The following SAMD5 variants were observed in gnomAD, a reference collection of about 807,000 sequenced individuals.
SAMD5 encodes the protein sterile alpha motif domain-containing protein 5.
SAMD5 carries 13 observed loss-of-function variants against 11.3 expected under a neutral mutation model. That is an observed-to-expected ratio of 1.15 (90% CI 0.75 to 1.83). The LOEUF (loss-of-function observed/expected upper bound fraction) is 1.83, where lower values mean the gene tolerates loss of function less well. SAMD5 is among the 40% of genes most tolerant of loss of function. The pLI is 0.00. For missense variants in SAMD5, 255 were observed against 239.1 expected (o/e 1.07, Z -0.44); for synonymous variants, 129 against 111.3 (o/e 1.16, Z -1.00).
the SAMD5 span, among the ~76,000 whole-genome samples, chr6:147,766,280 G>A: frequency 1.3e-5 from 2 of 152,092 alleles, no homozygotes; most frequent in East Asian, 3.9e-4. Flanking sequence ...AAAATTATCA[G>A]ACATAATGAA....
chr6:147,558,464 T>G (rs1275389782), intron 1 of SAMD5, among the ~76,000 whole-genome samples: 2 of 152,208 alleles, frequency 1.3e-5, no homozygotes, highest in East Asian at 3.8e-4. Flanking sequence ...TCGGAGAACC[T>G]GAATCACAAG....
At chr6:147,752,183 T>C in the SAMD5 span, among the ~76,000 whole-genome samples, 1 of 152,204 alleles carries the variant, frequency 6.6e-6, no homozygotes, top group Non-Finnish European at 1.5e-5. Flanking sequence ...TCTGAATTTA[T>C]AATCTTGATA....
At chr6:147,622,872 A>G (rs11751034) in intron 1 of SAMD5, among the ~76,000 whole-genome samples, 46,071 of 152,034 alleles carry the variant, frequency 0.3, 8,531 homozygotes, top group South Asian at 0.4. Flanking sequence ...TGAAAGGCAC[A>G]TCTTACGTGG....
intron 1 of SAMD5, among the ~76,000 whole-genome samples, chr6:147,557,180 T>C (rs946532778): frequency 1.3e-5 from 2 of 152,216 alleles, no homozygotes; most frequent in African/African-American, 4.8e-5. Flanking sequence ...ACATTAAATA[T>C]AACTAAATAA....
chr6:147,916,830 G>A, the SAMD5 span, among the ~76,000 whole-genome samples: 1 of 150,376 alleles, frequency 6.6e-6, no homozygotes, highest in Non-Finnish European at 1.5e-5. Flanking sequence ...TCTTGCAATA[G>A]TTTACTGAGA....
chr6:147,893,234 C>T, the SAMD5 span, among the ~76,000 whole-genome samples: 252 of 151,494 alleles, frequency 1.7e-3, 5 homozygotes, highest in South Asian at 0.048. Flanking sequence ...CAGTATGTGT[C>T]AGGGACTCTG....
chr6:147,782,439 G>A, the SAMD5 span, among the ~76,000 whole-genome samples: 1 of 152,320 alleles, frequency 6.6e-6, no homozygotes, highest in South Asian at 2.1e-4. Context: ...CCAAGTTAAT[G>A]ATGCCATGGA....
the SAMD5 span, among the ~76,000 whole-genome samples, chr6:147,897,486 G>A: frequency 6.6e-6 from 1 of 152,116 alleles, no homozygotes; most frequent in Non-Finnish European, 1.5e-5. Context: ...GTAACAGCAG[G>A]GCAAGACTGG....
intron 1 of SAMD5, among the ~76,000 whole-genome samples, chr6:147,547,698 C>T (rs75339732): frequency 6.6e-6 from 1 of 152,224 alleles, no homozygotes; most frequent in Admixed American, 6.5e-5. Context: ...ATCGTGGGAG[C>T]GCCATCTATC....
the SAMD5 span, among the ~76,000 whole-genome samples, chr6:147,950,584 G>A: frequency 6.6e-6 from 1 of 152,166 alleles, no homozygotes; most frequent in African/African-American, 2.4e-5. Flanking sequence ...AGTTCATGCT[G>A]GGAAGTTCAC....
chr6:147,714,574 G>A (rs1418832092), intron 1 of SAMD5, among the ~76,000 whole-genome samples: 1 of 152,130 alleles, frequency 6.6e-6, no homozygotes, highest in East Asian at 1.9e-4. Flanking sequence ...TAAATGGTTA[G>A]GAAAAGATAA....
the SAMD5 span, among the ~76,000 whole-genome samples, chr6:147,889,851 G>A: frequency 3.9e-5 from 6 of 152,112 alleles, no homozygotes; most frequent in Non-Finnish European, 8.8e-5. Flanking sequence ...ACTCCACTGC[G>A]TTCCTACAGG....
chr6:147,822,083 G>A, the SAMD5 span, among the ~76,000 whole-genome samples: 1 of 152,152 alleles, frequency 6.6e-6, no homozygotes, highest in African/African-American at 2.4e-5. Flanking sequence ...ATGAACACCT[G>A]TAGACAAAGC....
At chr6:147,703,788 T>A (rs577703999) in intron 1 of SAMD5, among the ~76,000 whole-genome samples, 1 of 152,272 alleles carries the variant, frequency 6.6e-6, no homozygotes, top group East Asian at 1.9e-4. Flanking sequence ...GTAGGAAGCA[T>A]CCATGGGCAG....
the SAMD5 span, among the ~76,000 whole-genome samples, chr6:147,801,778 A>C: frequency 6.6e-6 from 1 of 152,236 alleles, no homozygotes; most frequent in Admixed American, 6.5e-5. Flanking sequence ...TCAGTAGAAC[A>C]GAGTAGAGAG....
At chr6:147,536,219 G>T (rs1047099965) in intron 1 of SAMD5, among the ~76,000 whole-genome samples, 8 of 152,088 alleles carry the variant, frequency 5.3e-5, no homozygotes, top group Non-Finnish European at 8.8e-5. Flanking sequence ...TCCTGACCTC[G>T]TGATCTGCCC....
chr6:147,509,335 A>G lies in SAMD5; in HGVS notation c.407A>G (p.Asp136Gly). The part of the protein sequence containing the change: ...PKLKLKIMIR[D>G]KLVRDGIHLS... ...CTGAAGCTGAAGATCATGATCAGGG[A>G]TAAGCTCGTCCGTGACGGCATCCAC... Residue 136 changes from aspartate to glycine, a missense_variant, in exon 1 of 2, where the codon GAT becomes GGT. By Grantham distance (94) the Asp-to-Gly change is moderately conservative. Transcript: ENST00000367474. 6.3e-7 allele frequency: 1 copy of G among 1,583,208 alleles called. No individual in the cohort carries two copies. Among genetic ancestry groups the G allele is most frequent in the Non-Finnish European group, 8.6e-7 (1 of 1,166,516 alleles).
chr6:147,857,901 C>A, the SAMD5 span, among the ~76,000 whole-genome samples: 1 of 152,200 alleles, frequency 6.6e-6, no homozygotes, highest in African/African-American at 2.4e-5. Context: ...TTTACTGTCA[C>A]CTTTGAAGTC....
the SAMD5 span, among the ~76,000 whole-genome samples, chr6:147,834,419 G>A: frequency 1.3e-5 from 2 of 152,304 alleles, no homozygotes; most frequent in Admixed American, 6.5e-5. Flanking sequence ...TATAGCGAGT[G>A]TAGCCATTTG....
Sources: gnomAD v4.1 joint callset for allele counts (sites outside exome capture counted in the v4.1 genomes callset) on GRCh38, gnomAD v4.1.1 for gene constraint, MANE v1.5 for transcripts, NCBI Gene and HGNC (gene_info 2026-07-23, HGNC 2026-07-21) for gene names.